SMAD4: variants seen among roughly 807,000 people sequenced by gnomAD.
SMAD4 encodes the protein MAD homolog 4.
Under a neutral mutation model 63.2 loss-of-function variants are expected in SMAD4, and 7 were observed. The ratio of observed to expected loss-of-function variants is 0.11; its 90% CI spans 0.06 to 0.21. The LOEUF (loss-of-function observed/expected upper bound fraction) is 0.21. Ranked by LOEUF, SMAD4 falls within the 10% of genes least tolerant of loss-of-function variation. SMAD4 has a pLI of 1.00. For missense variants in SMAD4, 312 were observed against 693.8 expected, an observed-to-expected ratio of 0.45 and a Z score of 6.18; for synonymous variants, 215 against 235.4, an observed-to-expected ratio of 0.91 and a Z score of 0.79.
intron 11 of SMAD4, 28 bp from the exon 12 acceptor site, chr18:51,078,228 C>G (rs2144477748): frequency 1.3e-6 from 2 of 1,583,598 alleles, no homozygotes; most frequent in Non-Finnish European, 1.7e-6. Context: ...CCCTGTCCCT[C>G]TGATGTCTTC....
Position 51,084,562 on chromosome 18 carries a change from A to G in SMAD4, c.*6095A>G. 1 of 229,170 alleles carries G rather than the reference A, an allele frequency of 4.4e-6. No individual in the cohort carries two copies. Among genetic ancestry groups the G allele is most frequent in the East Asian group, 6.2e-5 (1 of 16,162 alleles). 14.2% of individuals were successfully genotyped at this position (229,170 alleles called of 1,614,324 possible). On this transcript the variant is annotated 3_prime_UTR_variant, in exon 12 of 12. Transcript: ENST00000342988. The stretch of plus-strand genomic sequence containing the variant: ...CCAGCTTTGTGGTAGCTGGAGAGGA[A>G]GGGATGAAACCAGCTGCTGTTGCAA...
chr18:51,065,683 C>A (rs2144448483), intron 9 of SMAD4, 77 bp downstream of exon 9: 1 of 1,179,106 alleles, frequency 8.5e-7, no homozygotes, highest in Non-Finnish European at 1.2e-6. Flanking sequence ...GTTATGTTTT[C>A]CCATGTACAT....
chr18:51,040,296 C>T (rs1909335895), intron 1 of SMAD4, among the ~76,000 whole-genome samples: 1 of 151,916 alleles, frequency 6.6e-6, no homozygotes, highest in Non-Finnish European at 1.5e-5. Context: ...TGGTGATGCG[C>T]CCCTGTAGTC....
rs1910533204 is a variant in SMAD4, at chr18:51,078,647, TC to T, written c.*182del. 1.7e-6 allele frequency: 1 copy of T among 581,022 alleles called. No individual in the cohort carries two copies. Among genetic ancestry groups the T allele is most frequent in the South Asian group, 2.3e-5 (1 of 43,072 alleles). 36.0% of individuals were successfully genotyped at this position (581,022 alleles called of 1,614,324 possible). A position where few individuals can be genotyped will look rare whatever the true frequency, so the allele number is the denominator to read the frequency against. On this transcript the variant is annotated 3_prime_UTR_variant, in exon 12 of 12. Transcript: ENST00000342988. ...AACTGGATTAAAACAATTTTTTTTT[TC>T]CTCTTCAGAACTTGTCAGGCATGGC...
intron 9 of SMAD4, among the ~76,000 whole-genome samples, chr18:51,066,125 G>A (rs1395378523): frequency 6.6e-6 from 1 of 152,096 alleles, no homozygotes; most frequent in African/African-American, 2.4e-5. Flanking sequence ...GCGGAGTCAG[G>A]CAGATCACTT....
At chr18:51,057,557 G>T (rs1909877827) in intron 5 of SMAD4, among the ~76,000 whole-genome samples, 1 of 152,216 alleles carries the variant, frequency 6.6e-6, no homozygotes, top group Non-Finnish European at 1.5e-5. Context: ...TTTTTAACCA[G>T]TAAATGGTAT....
At position 51,058,463 on chromosome 18, in the gene SMAD4, T is replaced by C. The variant is rs1207550894; in HGVS notation, c.904+7T>C. 1 of 1,587,006 alleles carries C rather than the reference T, an allele frequency of 6.3e-7. No individual in the cohort carries two copies. The highest frequency in any genetic ancestry group is 8.6e-7 in the Non-Finnish European group (1 of 1,158,542). On this transcript the variant is annotated splice_region_variant and intron_variant, in intron 7 of 11. Coordinates refer to ENST00000342988, the MANE Select transcript of SMAD4 (RefSeq NM_005359.6). ...CCCCATCCCGGACATTACTGTAAGC[T>C]CTTGTTTTTGTTGTAAGGGCTATTT...
In SMAD4 at chr18:51,067,005, T is replaced by A; in HGVS notation, c.1140-14T>A. 6.2e-7 allele frequency: 1 copy of A among 1,600,752 alleles called. No individual in the cohort carries two copies. Among genetic ancestry groups the A allele is most frequent in the Non-Finnish European group, 8.6e-7 (1 of 1,168,756 alleles). ...CTTATCAAGATAAAATGTAATTTCT[T>A]TTTTCTTCCTAAGGTTGCACATAGG... On this transcript the variant is annotated splice_polypyrimidine_tract_variant and intron_variant, in intron 9 of 11. Coordinates refer to ENST00000342988, the MANE Select transcript of SMAD4 (RefSeq NM_005359.6).
intron 10 of SMAD4, among the ~76,000 whole-genome samples, chr18:51,076,084 T>C (rs1178301136): frequency 6.6e-6 from 1 of 152,350 alleles, no homozygotes; most frequent in Admixed American, 6.5e-5. Context: ...TCTAGTCTTT[T>C]TGTTGTTGTT....
At chr18:51,052,053 C>G (rs1909727829) in intron 4 of SMAD4, among the ~76,000 whole-genome samples, 1 of 152,062 alleles carries the variant, frequency 6.6e-6, no homozygotes, top group African/African-American at 2.4e-5. Flanking sequence ...CTCAGGCGAT[C>G]CACCCGTCTC....
At chr18:51,040,793 T>G (rs1172060506) in intron 1 of SMAD4, among the ~76,000 whole-genome samples, 2 of 152,372 alleles carry the variant, frequency 1.3e-5, no homozygotes, top group East Asian at 1.9e-4. Flanking sequence ...CAGCTGTCTC[T>G]TCTTGCTAAC....
intron 4 of SMAD4, chr18:51,054,139 A>T (rs996063684): frequency 6.5e-6 from 1 of 153,520 alleles, no homozygotes; most frequent in African/African-American, 2.4e-5. Flanking sequence ...TTCTCACACC[A>T]TATATTAATC....
chr18:51,073,386 T>TACACAC (rs1910376593), intron 10 of SMAD4, among the ~76,000 whole-genome samples: 3 of 82,076 alleles, frequency 3.7e-5, no homozygotes, highest in Admixed American at 1.4e-4. Flanking sequence ...TATATATATA[T>TACACAC]ATACACACAC....
intron 8 of SMAD4, among the ~76,000 whole-genome samples, 153 bp downstream of exon 8, chr18:51,060,069 A>G (rs150179374): frequency 2.6e-5 from 4 of 152,346 alleles, no homozygotes; most frequent in African/African-American, 7.2e-5. Flanking sequence ...TGAGTAGTCA[A>G]TATAGTCACA....
At position 51,078,665 on chromosome 18, in the gene SMAD4, A is replaced by G; in HGVS notation, c.*198A>G. 1.8e-6 allele frequency: 1 copy of G among 567,486 alleles called. No homozygotes were observed. Among genetic ancestry groups the G allele is most frequent in the Non-Finnish European group, 3.1e-6 (1 of 319,100 alleles). 35.2% of individuals were successfully genotyped at this position (567,486 alleles called of 1,614,324 possible). A position where few individuals can be genotyped will look rare whatever the true frequency, so the allele number is the denominator to read the frequency against. ...TTTTTTTTCCTCTTCAGAACTTGTCAGGCATGGCTCAGAGCTTGAAGATTA... is the reference window on the plus strand; with the variant it reads ...TTTTTTTTCCTCTTCAGAACTTGTCGGGCATGGCTCAGAGCTTGAAGATTA... On this transcript the variant is annotated 3_prime_UTR_variant, in exon 12 of 12. Transcript: ENST00000342988.
rs1555688055 is a variant in SMAD4 at position 51,084,012 on chromosome 18, G to GCGCACA, written c.*5546_*5547insGCACAC. On this transcript the variant is annotated 3_prime_UTR_variant, in exon 12 of 12. Coordinates refer to ENST00000342988, the MANE Select transcript of SMAD4 (RefSeq NM_005359.6). ...TTAACGCGCGTGCGCACGCGCGCGC[G>GCGCACA]CACACACACACACACACACACACAC... The GCGCACA allele has an allele frequency of 0.024, 3,834 of 161,990 alleles. 45 individuals carry two copies. Among genetic ancestry groups the GCGCACA allele is most frequent in the Non-Finnish European group, 0.033 (2,630 of 80,098 alleles). The allele number at this position is 161,990 out of a possible 1,614,324, so 10.0% of individuals were successfully genotyped here. A position where few individuals can be genotyped will look rare whatever the true frequency, so the allele number is the denominator to read the frequency against.
Position 51,081,337 on chromosome 18 carries a change from G to A in SMAD4, c.*2870G>A, listed in dbSNP as rs1277657661. On this transcript the variant is annotated 3_prime_UTR_variant, in exon 12 of 12. Coordinates refer to ENST00000342988, the MANE Select transcript of SMAD4 (RefSeq NM_005359.6). ...TTCCATGTTTGTCCAGTGCCTTTCAGTGCATTATCAAAGGGAATCCTTCAT... is the reference window on the plus strand; with the variant it reads ...TTCCATGTTTGTCCAGTGCCTTTCAATGCATTATCAAAGGGAATCCTTCAT... 1 of 228,870 alleles carries A rather than the reference G, an allele frequency of 4.4e-6. No homozygotes were observed. Among genetic ancestry groups the A allele is most frequent in the Non-Finnish European group, 8.7e-6 (1 of 115,484 alleles). 14.2% of individuals were successfully genotyped at this position (228,870 alleles called of 1,614,324 possible). A position where few individuals can be genotyped will look rare whatever the true frequency, so the allele number is the denominator to read the frequency against.
chr18:51,031,489 A>G (rs1247481403), intron 1 of SMAD4, among the ~76,000 whole-genome samples: 1 of 152,200 alleles, frequency 6.6e-6, no homozygotes, highest in African/African-American at 2.4e-5. Context: ...TAGTTTCTTA[A>G]TGCATTTAGT....
At chr18:51,067,320 A>G (rs1910191334) in intron 10 of SMAD4, 133 bp downstream of exon 10, 3 of 503,020 alleles carry the variant, frequency 6.0e-6, no homozygotes, top group Non-Finnish European at 1.1e-5. Context: ...AAGTATAAAA[A>G]ACACATTTTC....
Sources: allele counts gnomAD v4.1 joint callset (sites outside exome capture counted in the v4.1 genomes callset), GRCh38; gene constraint gnomAD v4.1.1; transcripts MANE v1.5; gene names NCBI Gene and HGNC (gene_info 2026-07-23, HGNC 2026-07-21).